Variants in PTPRN2 observed in about 807,000 individuals in gnomAD.
PTPRN2 encodes protein tyrosine phosphatase receptor type N2.
In PTPRN2, 74 loss-of-function variants were observed where a neutral mutation model predicts 118.8. The ratio of observed to expected loss-of-function variants is 0.62; its 90% CI spans 0.52 to 0.76. PTPRN2 has a LOEUF of 0.76. Ranked by LOEUF, PTPRN2 falls within the 30% of genes least tolerant of loss-of-function variation. PTPRN2 has a pLI of 0.00. For synonymous variants in PTPRN2, 641 were observed against 608.0 expected (o/e 1.05, Z -0.80); for missense variants, 1,481 against 1,394.4 (o/e 1.06, Z -0.99).
intron 1 of PTPRN2, among the ~76,000 whole-genome samples, chr7:158,498,234 A>C (rs1306102811): frequency 6.6e-6 from 1 of 152,246 alleles, no homozygotes; most frequent in African/African-American, 2.4e-5. Context: ...CCACCCTGGA[A>C]GAAGGGCAGC....
chr7:157,932,990 CTG>C (rs36176899), intron 11 of PTPRN2, among the ~76,000 whole-genome samples: 34,372 of 131,426 alleles, frequency 0.26, 5,717 homozygotes, highest in Non-Finnish European at 0.36. Context: ...GTGAGTCACT[CTG>C]ACTGACAGTT....
intron 11 of PTPRN2, among the ~76,000 whole-genome samples, chr7:158,080,330 A>C (rs982254704): frequency 1.3e-5 from 2 of 151,050 alleles, no homozygotes; most frequent in African/African-American, 2.4e-5. Context: ...AAAAAAAAAA[A>C]AAAAAAAAAA....
chr7:158,425,855 A>G (rs1253305512), intron 2 of PTPRN2, among the ~76,000 whole-genome samples: 8 of 132,072 alleles, frequency 6.1e-5, no homozygotes, highest in Admixed American at 1.4e-4. Context: ...CACCGCCGGG[A>G]AAGACGCGGG....
At chr7:157,661,292 CAG>C (rs1222619483) in intron 13 of PTPRN2, among the ~76,000 whole-genome samples, 1 of 152,274 alleles carries the variant, frequency 6.6e-6, no homozygotes, top group African/African-American at 2.4e-5. Flanking sequence ...ATGTCCCTGG[CAG>C]AGAGGAAGCC....
At chr7:157,772,265 CCATA>C (rs1469413129) in intron 12 of PTPRN2, among the ~76,000 whole-genome samples, 2 of 88,074 alleles carry the variant, frequency 2.3e-5, no homozygotes, top group Non-Finnish European at 4.0e-5. Context: ...ACACAGACAC[CCATA>C]CAGACATACA....
intron 17 of PTPRN2, among the ~76,000 whole-genome samples, chr7:157,580,016 T>G (rs997636707): frequency 2.6e-5 from 4 of 152,220 alleles, no homozygotes; most frequent in Admixed American, 2.6e-4. Flanking sequence ...AAAAGTTAAT[T>G]TGGATTTTGG....
At chr7:158,532,388 G>T (rs1825313910) in intron 1 of PTPRN2, among the ~76,000 whole-genome samples, 1 of 152,184 alleles carries the variant, frequency 6.6e-6, no homozygotes, top group Admixed American at 6.5e-5. Context: ...CTTCTGAGAA[G>T]CCCCAGATGT....
At chr7:157,678,304 C>T (rs1238275934) in intron 13 of PTPRN2, among the ~76,000 whole-genome samples, 1 of 152,180 alleles carries the variant, frequency 6.6e-6, no homozygotes, top group African/African-American at 2.4e-5. Flanking sequence ...TTGTTAAAAA[C>T]TTCTGGTGGG....
At chr7:158,498,513 CA>C (rs568604592) in intron 1 of PTPRN2, among the ~76,000 whole-genome samples, 34 of 141,742 alleles carry the variant, frequency 2.4e-4, no homozygotes, top group Admixed American at 2.1e-3. Flanking sequence ...GCAGCAACCT[CA>C]ACTATATTTA....
intron 1 of PTPRN2, among the ~76,000 whole-genome samples, chr7:158,549,185 A>G (rs958185077): frequency 2.6e-5 from 4 of 152,170 alleles, no homozygotes; most frequent in African/African-American, 9.7e-5. Flanking sequence ...TGCATAAATG[A>G]TTCAGGCTTT....
At chr7:157,880,616 G>A (rs1251685155) in intron 12 of PTPRN2, among the ~76,000 whole-genome samples, 6 of 152,160 alleles carry the variant, frequency 3.9e-5, no homozygotes, top group Non-Finnish European at 8.8e-5. Context: ...CCATCTCCAC[G>A]CTGAGCATCG....
chr7:158,372,277 C>G (rs548883981), intron 2 of PTPRN2, among the ~76,000 whole-genome samples: 5 of 151,010 alleles, frequency 3.3e-5, no homozygotes, highest in Admixed American at 2.0e-4. Context: ...GCTGATCCCC[C>G]CAACGCTGGT....
chr7:158,272,047 G>C (rs34821776), intron 3 of PTPRN2, among the ~76,000 whole-genome samples: 8 of 152,170 alleles, frequency 5.3e-5, no homozygotes, highest in Non-Finnish European at 1.0e-4. Flanking sequence ...ATCAAAAGAC[G>C]GTCAGGTTGT....
chr7:158,263,812 CTGAG>C (rs964034216), intron 3 of PTPRN2, among the ~76,000 whole-genome samples: 20 of 152,206 alleles, frequency 1.3e-4, no homozygotes, highest in African/African-American at 4.6e-4. Flanking sequence ...GCATGGGACA[CTGAG>C]TGAGAGGCAC....
intron 2 of PTPRN2, among the ~76,000 whole-genome samples, chr7:158,396,395 G>C (rs1033342823): frequency 6.6e-6 from 1 of 152,270 alleles, no homozygotes; most frequent in African/African-American, 2.4e-5. Flanking sequence ...ATCGTGAGGT[G>C]AAGTCTGTGT....
At chr7:157,689,997 C>T (rs1386301082) in intron 12 of PTPRN2, among the ~76,000 whole-genome samples, 1 of 152,236 alleles carries the variant, frequency 6.6e-6, no homozygotes, top group Non-Finnish European at 1.5e-5. Flanking sequence ...CTTCCCTCCT[C>T]CTTTCCCACA....
At position 157,937,702 on chromosome 7, in the gene PTPRN2, C is replaced by T. The variant is rs376747558; in HGVS notation, c.1724-38965G>A. Among the ~76,000 whole-genome samples, 214 of 152,300 alleles carry T rather than the reference C, an allele frequency of 1.4e-3. 1 individual carries two copies. In the Middle Eastern group the frequency reaches 0.02, roughly 15 times the overall value. ...GGCCTCTCTGAGTTTTGGCTTGAGCCGGGGCCTGGAAAGGCCAACTGCCTG... is the reference window on the plus strand; with the variant it reads ...GGCCTCTCTGAGTTTTGGCTTGAGCTGGGGCCTGGAAAGGCCAACTGCCTG... On this transcript the variant is annotated intron_variant, in intron 11 of 22. Coordinates refer to ENST00000389418, the MANE Select transcript of PTPRN2 (RefSeq NM_002847.5).
chr7:158,061,664 A>G (rs1810351329), intron 11 of PTPRN2, among the ~76,000 whole-genome samples: 1 of 152,188 alleles, frequency 6.6e-6, no homozygotes, highest in East Asian at 1.9e-4. Flanking sequence ...ACCGCTGCCC[A>G]TGGTCCAAGA....
At chr7:157,541,539 C>G (rs1798015447) in intron 22 of PTPRN2, among the ~76,000 whole-genome samples, 1 of 152,260 alleles carries the variant, frequency 6.6e-6, no homozygotes, top group Non-Finnish European at 1.5e-5. Flanking sequence ...TCCTCTCCCA[C>G]AGATGAGGTG....
Sources: allele counts gnomAD v4.1 joint callset (sites outside exome capture counted in the v4.1 genomes callset), GRCh38; gene constraint gnomAD v4.1.1; transcripts MANE v1.5; gene names NCBI Gene and HGNC (gene_info 2026-07-23, HGNC 2026-07-21).